The following NHLRC2 variants were observed in gnomAD, a reference collection of about 807,000 sequenced individuals.
NHLRC2 encodes the protein NHL repeat-containing protein 2.
In NHLRC2, 33 loss-of-function variants were observed where a neutral mutation model predicts 68.1. The ratio of observed to expected loss-of-function variants is 0.48; its 90% CI spans 0.37 to 0.65. The LOEUF is 0.65. Among genes scored for constraint, NHLRC2 ranks in the 30% least tolerant of loss-of-function variants. NHLRC2 has a pLI of 0.00. For synonymous variants in NHLRC2, 311 were observed against 309.6 expected (o/e 1.00, Z -0.05); for missense variants, 761 against 853.8 (o/e 0.89, Z 1.35).
Position 113,908,748 on chromosome 10 carries a change from T to G in NHLRC2, c.*212T>G. 1 of 561,476 alleles carries G rather than the reference T, an allele frequency of 1.8e-6. No individual in the cohort carries two copies. Among genetic ancestry groups the G allele is most frequent in the Admixed American group, 3.1e-5 (1 of 32,318 alleles). The allele number at this position is 561,476 out of a possible 1,614,324, so 34.8% of individuals were successfully genotyped here. On this transcript the variant is annotated 3_prime_UTR_variant, in exon 11 of 11. Coordinates refer to ENST00000369301, the MANE Select transcript of NHLRC2 (RefSeq NM_198514.4). Reference sequence around the variant, plus strand: ...TTTGCTTTGGCTGATACTAGCTGAGTCATTGATCATCATTGGTACCATGAT... The same window carrying G: ...TTTGCTTTGGCTGATACTAGCTGAGGCATTGATCATCATTGGTACCATGAT...
At chr10:113,901,035 A>G (rs902438416) in intron 6 of NHLRC2, among the ~76,000 whole-genome samples, 1 of 152,170 alleles carries the variant, frequency 6.6e-6, no homozygotes, top group African/African-American at 2.4e-5. Context: ...CTTAAATAGA[A>G]ATTTCCCTAA....
chr10:113,875,047 T>G (rs1235813820), intron 2 of NHLRC2, among the ~76,000 whole-genome samples: 3 of 151,318 alleles, frequency 2.0e-5, no homozygotes, highest in African/African-American at 7.3e-5. Context: ...CTGTTGCTTG[T>G]TTTTTTTGCC....
intron 5 of NHLRC2, among the ~76,000 whole-genome samples, chr10:113,896,308 C>T (rs1416047566): frequency 6.6e-6 from 1 of 151,944 alleles, no homozygotes; most frequent in Non-Finnish European, 1.5e-5. Flanking sequence ...AAATGTGGCA[C>T]ATATACACCA....
chr10:113,889,734 GC>G (rs1299754541), intron 5 of NHLRC2, among the ~76,000 whole-genome samples: 1 of 151,938 alleles, frequency 6.6e-6, no homozygotes, highest in African/African-American at 2.4e-5. Flanking sequence ...GTCTCCCCCC[GC>G]CATCACCACA....
chr10:113,881,164 CT>C (rs1377144264), intron 4 of NHLRC2, among the ~76,000 whole-genome samples: 1 of 151,740 alleles, frequency 6.6e-6, no homozygotes, highest in Non-Finnish European at 1.5e-5. Flanking sequence ...GGGGCTAGAC[CT>C]CTAATGGTGT....
At chr10:113,859,699 T>A (rs117195090) in intron 2 of NHLRC2, among the ~76,000 whole-genome samples, 4,478 of 152,336 alleles carry the variant, frequency 0.029, 104 homozygotes, top group Non-Finnish European at 0.047. Flanking sequence ...CCAGTGTTTC[T>A]TGTTCAAGAC....
intron 1 of NHLRC2, among the ~76,000 whole-genome samples, chr10:113,857,781 G>C (rs566110142): frequency 3.8e-4 from 58 of 152,120 alleles, no homozygotes; most frequent in South Asian, 1.7e-3. Context: ...TGAAATCTGT[G>C]ACAATAATAA....
At position 113,917,096 on chromosome 10, in the gene NHLRC2, G is replaced by C. The variant is rs370289267; in HGVS notation, c.*8560G>C. On this transcript the variant is annotated 3_prime_UTR_variant, in exon 11 of 11. Transcript: ENST00000369301. ...AGTGTAATACAAGTGATCATAGAAGGTGAGAATGTGTTTATACTGTATATG... is the reference window on the plus strand; with the variant it reads ...AGTGTAATACAAGTGATCATAGAAGCTGAGAATGTGTTTATACTGTATATG... 17 of 152,266 alleles carry C rather than the reference G, an allele frequency of 1.1e-4. No individual in the cohort carries two copies. The East Asian group carries it at 2.9e-3, about 26-fold the overall frequency. 9.4% of individuals were successfully genotyped at this position (152,266 alleles called of 1,614,324 possible).
At position 113,854,859 on chromosome 10, in the gene NHLRC2, A is replaced by C; in HGVS notation, c.-14A>C. ...CCGCGGGCCCGGCGGCCGCATCGGG[A>C]GCCCGGCGGAAACATGGCGGCGCCC... is the stretch of plus-strand genomic sequence containing the variant. On this transcript the variant is annotated 5_prime_UTR_variant, in exon 1 of 11. Transcript: ENST00000369301. 6.5e-7 allele frequency: 1 copy of C among 1,537,298 alleles called. No individual in the cohort carries two copies. The highest frequency in any genetic ancestry group is 8.8e-7 in the Non-Finnish European group (1 of 1,141,806).
chr10:113,884,872 C>T lies in NHLRC2; in HGVS notation c.1039+492C>T, dbSNP rs376437368. Among the ~76,000 whole-genome samples the T allele has an allele frequency of 4.0e-5, 6 of 151,778 alleles. No individual in the cohort carries two copies. In the East Asian group the frequency reaches 9.7e-4, roughly 24 times the overall value. On this transcript the variant is annotated intron_variant, in intron 5 of 10. Coordinates refer to ENST00000369301, the MANE Select transcript of NHLRC2 (RefSeq NM_198514.4). ...ATTAAAGTATGATAACTTCTTTAAA[C>T]TTTTACCCTAGTGAATTGTGTAGAC... is the stretch of plus-strand genomic sequence containing the variant.
Position 113,858,696 on chromosome 10 carries a change from T to C in NHLRC2, c.331+16T>C. The C allele has an allele frequency of 1.3e-6, 2 of 1,596,434 alleles. No individual in the cohort carries two copies. The highest frequency in any genetic ancestry group is 3.3e-4 in the Middle Eastern group (2 of 6,034). ...TCTGATAAAGGTATCTGCTCTTTAA[T>C]TAGTTTCTAACAGACTGTCCTGGCA... On this transcript the variant is annotated intron_variant, in intron 2 of 10. Coordinates refer to ENST00000369301, the MANE Select transcript of NHLRC2 (RefSeq NM_198514.4).
intron 5 of NHLRC2, among the ~76,000 whole-genome samples, chr10:113,888,887 C>T (rs897337371): frequency 2.7e-5 from 4 of 147,106 alleles, no homozygotes; most frequent in Non-Finnish European, 4.4e-5. Flanking sequence ...AGTGCAGTGA[C>T]GTGATCTCGG....
At chr10:113,882,322 T>G (rs1846042323) in intron 4 of NHLRC2, among the ~76,000 whole-genome samples, 1 of 151,826 alleles carries the variant, frequency 6.6e-6, no homozygotes, top group African/African-American at 2.4e-5. Context: ...CCACTCGAAA[T>G]ATATGTGGGT....
chr10:113,873,601 C>T (rs1845950451), intron 2 of NHLRC2, among the ~76,000 whole-genome samples: 3 of 152,010 alleles, frequency 2.0e-5, no homozygotes, highest in Admixed American at 2.0e-4. Flanking sequence ...TGTTCTTGTG[C>T]TTTGGTTTGG....
At chr10:113,867,283 C>T (rs111337751) in intron 2 of NHLRC2, among the ~76,000 whole-genome samples, 2 of 152,316 alleles carry the variant, frequency 1.3e-5, no homozygotes, top group South Asian at 2.1e-4. Flanking sequence ...TTAACTCTTT[C>T]TGCACACACT....
intron 5 of NHLRC2, among the ~76,000 whole-genome samples, chr10:113,892,937 G>A (rs541942087): frequency 1.3e-5 from 2 of 152,248 alleles, no homozygotes; most frequent in South Asian, 2.1e-4. Context: ...ACAGTGTCTG[G>A]TGCATAGAAA....
rs1382403871 is a variant in NHLRC2 at position 113,913,748 on chromosome 10, C to A, written c.*5212C>A. The A allele has an allele frequency of 6.6e-6, 1 of 152,110 alleles. No homozygotes were observed. Among genetic ancestry groups the A allele is most frequent in the Non-Finnish European group, 1.5e-5 (1 of 68,028 alleles). 9.4% of individuals were successfully genotyped at this position (152,110 alleles called of 1,614,324 possible). ...AATAACACTGGTATGCAGACCCCTC[C>A]CCATGACTCAAATATTAATATATGC... On this transcript the variant is annotated 3_prime_UTR_variant, in exon 11 of 11. Coordinates refer to ENST00000369301, the MANE Select transcript of NHLRC2 (RefSeq NM_198514.4).
chr10:113,867,134 A>G (rs1033525544), intron 2 of NHLRC2, among the ~76,000 whole-genome samples: 3 of 152,214 alleles, frequency 2.0e-5, no homozygotes, highest in Non-Finnish European at 2.9e-5. Flanking sequence ...TATTGTTTGT[A>G]CAAACATTTT....
In NHLRC2 at chr10:113,887,615, A is replaced by G. The variant is rs1268459557; in HGVS notation, c.1039+3235A>G. On this transcript the variant is annotated intron_variant, in intron 5 of 10. Coordinates refer to ENST00000369301, the MANE Select transcript of NHLRC2 (RefSeq NM_198514.4). ...TGAAGCCCCGTCTATACAAGAATAC[A>G]AAAATTAGCTGGGCGTGATAGTAGA... Among the ~76,000 whole-genome samples the G allele has an allele frequency of 2.0e-5, 3 of 152,204 alleles. No homozygotes were observed. The East Asian group carries it at 5.8e-4, about 29-fold the overall frequency.
Sources: allele counts gnomAD v4.1 joint callset (sites outside exome capture counted in the v4.1 genomes callset), GRCh38; gene constraint gnomAD v4.1.1; transcripts MANE v1.5; gene names NCBI Gene and HGNC (gene_info 2026-07-23, HGNC 2026-07-21).